The following ARHGAP15 variants were observed in gnomAD, a reference collection of about 807,000 sequenced individuals.
ARHGAP15 encodes the protein rho GTPase-activating protein 15.
A neutral mutation model predicts 63.7 loss-of-function variants in ARHGAP15; 51 were observed. The ratio of observed to expected loss-of-function variants is 0.80; its 90% CI spans 0.64 to 1.01. ARHGAP15 has a LOEUF of 1.01. Ranked by LOEUF, ARHGAP15 falls within the 50% of genes least tolerant of loss-of-function variation. The pLI, the probability that ARHGAP15 is intolerant of heterozygous loss-of-function variation, is 0.00. For synonymous variants in ARHGAP15, 191 were observed against 193.8 expected (o/e 0.99, Z 0.12); for missense variants, 560 against 564.6 (o/e 0.99, Z 0.08).
intron 2 of ARHGAP15, among the ~76,000 whole-genome samples, chr2:143,178,569 A>G (rs1285609258): frequency 6.6e-6 from 1 of 152,216 alleles, no homozygotes; most frequent in Non-Finnish European, 1.5e-5. Context: ...TGGGGTTGTT[A>G]TAAACCTACA....
intron 11 of ARHGAP15, among the ~76,000 whole-genome samples, chr2:143,596,956 T>A (rs1446883517): frequency 6.6e-6 from 1 of 152,128 alleles, no homozygotes; most frequent in Non-Finnish European, 1.5e-5. Flanking sequence ...ATTCAGACCC[T>A]CTAAGGACCT....
intron 9 of ARHGAP15, among the ~76,000 whole-genome samples, chr2:143,490,397 G>A (rs894292499): frequency 2.0e-5 from 3 of 152,134 alleles, no homozygotes; most frequent in African/African-American, 7.2e-5. Flanking sequence ...TGAGCACCAC[G>A]ATGGGGGCAG....
chr2:143,766,144 G>GA (rs535161282), intron 13 of ARHGAP15, among the ~76,000 whole-genome samples: 87 of 149,116 alleles, frequency 5.8e-4, no homozygotes, highest in Admixed American at 2.5e-3. Flanking sequence ...TTTGTGAAGG[G>GA]AAAAAAAAAA....
chr2:143,568,768 G>T (rs1267845901), intron 11 of ARHGAP15, among the ~76,000 whole-genome samples: 1 of 152,186 alleles, frequency 6.6e-6, no homozygotes, highest in African/African-American at 2.4e-5. Context: ...CAAGCCAGAT[G>T]TCCATCATTA....
intron 6 of ARHGAP15, among the ~76,000 whole-genome samples, chr2:143,361,780 C>G (rs954714201): frequency 6.6e-6 from 1 of 152,148 alleles, no homozygotes; most frequent in African/African-American, 2.4e-5. Context: ...TCACATCAGA[C>G]TTCTTGACCC....
intron 12 of ARHGAP15, among the ~76,000 whole-genome samples, chr2:143,662,339 A>AC (rs1430908595): frequency 2.0e-5 from 3 of 147,548 alleles, no homozygotes; most frequent in Non-Finnish European, 3.0e-5. Flanking sequence ...ATTCCAACAG[A>AC]CCTGCAGCTG....
intron 8 of ARHGAP15, among the ~76,000 whole-genome samples, chr2:143,447,400 C>A (rs1476097230): frequency 1.3e-5 from 2 of 152,070 alleles, no homozygotes; most frequent in African/African-American, 4.8e-5. Flanking sequence ...GGATATTGAG[C>A]CACTTATAAG....
chr2:143,525,710 C>T (rs1448642771), intron 10 of ARHGAP15, among the ~76,000 whole-genome samples: 2 of 152,026 alleles, frequency 1.3e-5, no homozygotes, highest in Non-Finnish European at 2.9e-5. Context: ...GGAATTGGCT[C>T]TTTGGGGTAG....
At chr2:143,423,179 C>A (rs1428352376) in intron 6 of ARHGAP15, among the ~76,000 whole-genome samples, 1 of 152,112 alleles carries the variant, frequency 6.6e-6, no homozygotes, top group Non-Finnish European at 1.5e-5. Flanking sequence ...TGCATTGATA[C>A]AACCTTAGAA....
intron 10 of ARHGAP15, among the ~76,000 whole-genome samples, chr2:143,525,336 T>G (rs1694222176): frequency 6.9e-6 from 1 of 145,680 alleles, no homozygotes; most frequent in African/African-American, 2.5e-5. Context: ...CAAAACAAAC[T>G]GATAAAAATT....
At chr2:143,565,638 G>A (rs1405536885) in intron 11 of ARHGAP15, among the ~76,000 whole-genome samples, 3 of 152,252 alleles carry the variant, frequency 2.0e-5, no homozygotes, top group Middle Eastern at 3.4e-3. Context: ...TAAAAGAAAT[G>A]AATAGTGAAG....
At chr2:143,759,114 A>C (rs1242394898) in intron 13 of ARHGAP15, among the ~76,000 whole-genome samples, 2 of 152,124 alleles carry the variant, frequency 1.3e-5, no homozygotes, top group African/African-American at 4.8e-5. Flanking sequence ...AGACACCAGT[A>C]GCAATTTCCC....
chr2:143,475,770 G>T (rs1691787490), intron 8 of ARHGAP15, among the ~76,000 whole-genome samples: 1 of 152,232 alleles, frequency 6.6e-6, no homozygotes, highest in African/African-American at 2.4e-5. Context: ...AAGACCCAAA[G>T]GAATCCTTAT....
intron 11 of ARHGAP15, among the ~76,000 whole-genome samples, chr2:143,587,979 A>G (rs774358418): frequency 6.6e-6 from 1 of 152,162 alleles, no homozygotes; most frequent in South Asian, 2.1e-4. Flanking sequence ...CGATTTAACA[A>G]TGTTTTCTTT....
At chr2:143,716,128 A>G (rs1336180257) in intron 13 of ARHGAP15, among the ~76,000 whole-genome samples, 1 of 152,124 alleles carries the variant, frequency 6.6e-6, no homozygotes, top group Admixed American at 6.5e-5. Flanking sequence ...CACACGTTTA[A>G]CTATGTAACA....
At chr2:143,209,261 T>C (rs1165580908) in intron 3 of ARHGAP15, among the ~76,000 whole-genome samples, 1 of 152,160 alleles carries the variant, frequency 6.6e-6, no homozygotes, top group Non-Finnish European at 1.5e-5. Context: ...TCCTTCCAGA[T>C]CTTCAGGCTG....
In ARHGAP15 at chr2:143,308,958, G is replaced by T. The variant is rs993652446; in HGVS notation, c.474+58358G>T. ...GCCAAAAAAAAAAAAAAAAAAAAAGGAAGAAAATAATATATTTTAAGAAAA... is the reference window on the plus strand; with the variant it reads ...GCCAAAAAAAAAAAAAAAAAAAAAGTAAGAAAATAATATATTTTAAGAAAA... On this transcript the variant is annotated intron_variant, in intron 6 of 13. Transcript: ENST00000295095. 2.1e-5 allele frequency among the ~76,000 whole-genome samples: 3 copies of T among 142,534 alleles called. No homozygotes were observed. In the Admixed American group the frequency reaches 2.1e-4, roughly 10 times the overall value. 93.5% of individuals were successfully genotyped at this position (142,534 alleles called of 152,430 possible).
chr2:143,494,125 G>T (rs1025041639), intron 9 of ARHGAP15, among the ~76,000 whole-genome samples: 1 of 151,940 alleles, frequency 6.6e-6, no homozygotes, highest in African/African-American at 2.4e-5. Flanking sequence ...TTCAGTGCTG[G>T]ATTTTTTATA....
chr2:143,541,754 G>A (rs1223299462), intron 10 of ARHGAP15, among the ~76,000 whole-genome samples: 7 of 152,184 alleles, frequency 4.6e-5, no homozygotes, highest in Admixed American at 3.3e-4. Flanking sequence ...TCTCAGAGGA[G>A]TACCCGGCCG....
Sources: allele counts gnomAD v4.1 joint callset (sites outside exome capture counted in the v4.1 genomes callset), GRCh38; gene constraint gnomAD v4.1.1; transcripts MANE v1.5; gene names NCBI Gene and HGNC (gene_info 2026-07-23, HGNC 2026-07-21).